The following HK1 variants were observed in gnomAD, a reference collection of about 807,000 sequenced individuals.
The protein encoded by HK1 is hexokinase-1.
HK1 carries 28 observed loss-of-function variants against 91.6 expected under a neutral mutation model. The ratio of observed to expected loss-of-function variants is 0.31; its 90% CI spans 0.23 to 0.42. The LOEUF is 0.42. HK1 is among the 10% of genes least tolerant of loss of function. HK1 has a pLI of 1.00. For synonymous variants in HK1, 430 were observed against 468.1 expected (o/e 0.92, Z 1.05); for missense variants, 770 against 1,219.8 (o/e 0.63, Z 5.49).
intron 1 of HK1, among the ~76,000 whole-genome samples, chr10:69,277,831 G>A (rs895535990): frequency 1.7e-4 from 26 of 152,112 alleles, no homozygotes; most frequent in African/African-American, 4.3e-4. Flanking sequence ...TCAGGAGTTC[G>A]AGACCAGCCT....
chr10:69,297,921 C>T (rs1369908329), intron 4 of HK1, among the ~76,000 whole-genome samples: 2 of 143,428 alleles, frequency 1.4e-5, no homozygotes, highest in Non-Finnish European at 3.0e-5. Flanking sequence ...AAAAAAAGTG[C>T]TTGGTCGGGC....
At chr10:69,304,430 C>G (rs1431886316) in intron 5 of HK1, among the ~76,000 whole-genome samples, 1 of 152,058 alleles carries the variant, frequency 6.6e-6, no homozygotes, top group Non-Finnish European at 1.5e-5. Context: ...GCCTCAGCCT[C>G]CCAAGTAGCT....
intron 3 of HK1, among the ~76,000 whole-genome samples, chr10:69,295,011 C>CAGAGAGAG (rs3086615): frequency 0.026 from 3,273 of 125,092 alleles, 63 homozygotes; most frequent in Middle Eastern, 0.069. Context: ...GCCTGGGCAA[C>CAGAGAGAG]AGAGAGAGAG....
At chr10:69,385,582 C>T (rs750057916) in intron 12 of HK1, among the ~76,000 whole-genome samples, 9 of 152,334 alleles carry the variant, frequency 5.9e-5, no homozygotes, top group East Asian at 1.9e-4. Flanking sequence ...GCTGGAAGAG[C>T]TGTAGGTAGC....
intron 3 of HK1, among the ~76,000 whole-genome samples, chr10:69,361,053 T>G (rs1387429951): frequency 6.6e-6 from 1 of 152,250 alleles, no homozygotes; most frequent in Non-Finnish European, 1.5e-5. Context: ...TTGACTCTAC[T>G]GTGCTCTTAA....
Position 69,389,177 on chromosome 10 carries a change from G to A in HK1, c.1936-20G>A. Reference sequence around the variant, plus strand: ...GCATAGTGATCCTATTCCTAAAGCTGTGTCCCTTTCTTTGCAAAGGAATTT... The same window carrying A: ...GCATAGTGATCCTATTCCTAAAGCTATGTCCCTTTCTTTGCAAAGGAATTT... On this transcript the variant is annotated intron_variant, in intron 13 of 17. Transcript: ENST00000359426. 6.3e-7 allele frequency: 1 copy of A among 1,593,108 alleles called. No individual in the cohort carries two copies.
chr10:69,346,360 T>G (rs372240052), intron 2 of HK1, among the ~76,000 whole-genome samples: 40 of 152,286 alleles, frequency 2.6e-4, no homozygotes, highest in African/African-American at 9.1e-4. Flanking sequence ...AAACAAGCCT[T>G]TCCTTTCTTG....
chr10:69,354,017 TATG>T (rs1441174760), intron 2 of HK1, among the ~76,000 whole-genome samples: 6 of 152,202 alleles, frequency 3.9e-5, no homozygotes, highest in Non-Finnish European at 8.8e-5. Context: ...ACCTGTGGGA[TATG>T]ATGCTATCTC....
At chr10:69,315,651 A>G, upstream of HK1, 1 of 464,118 alleles carries the variant, frequency 2.2e-6, no homozygotes, top group Non-Finnish European at 4.0e-6. Context: ...GGAACAACAG[A>G]GAGGGGACAC....
intron 3 of HK1, among the ~76,000 whole-genome samples, chr10:69,295,074 G>A (rs909969162): frequency 4.6e-5 from 7 of 151,314 alleles, no homozygotes; most frequent in Non-Finnish European, 8.8e-5. Context: ...AAAAAATAGC[G>A]AGGGGAGGGC....
chr10:69,377,034 C>G lies in HK1; in HGVS notation c.976C>G (p.Pro326Ala), dbSNP rs1839149374. ...CCTCTTATTTGAAGGGCGGATCACC[C>G]CGGAGCTGCTCACCCGAGGGAAGTT... ...EGLLFEGRIT[P>A]ELLTRGKFNT... Residue 326 changes from proline to alanine, a missense_variant, in exon 8 of 18, where the codon CCG becomes GCG. Transcript: ENST00000359426. 1 of 1,614,156 alleles carries G rather than the reference C, an allele frequency of 6.2e-7. No homozygotes were observed. Among genetic ancestry groups the G allele is most frequent in the Non-Finnish European group, 8.5e-7 (1 of 1,180,028 alleles).
At chr10:69,353,618 C>CAA (rs71471542) in intron 2 of HK1, among the ~76,000 whole-genome samples, 5 of 116,734 alleles carry the variant, frequency 4.3e-5, no homozygotes, top group Admixed American at 9.2e-5. Flanking sequence ...CAAACAAAAC[C>CAA]AAAAAAAAAA....
At chr10:69,383,168 C>T (rs771379242) in intron 10 of HK1, among the ~76,000 whole-genome samples, 11 of 152,010 alleles carry the variant, frequency 7.2e-5, no homozygotes, top group Non-Finnish European at 1.6e-4. Context: ...AAGACCCTGT[C>T]TCAAAAAAAA....
intron 1 of HK1, among the ~76,000 whole-genome samples, chr10:69,330,122 A>T (rs1409460735): frequency 1.3e-5 from 2 of 151,940 alleles, no homozygotes; most frequent in Admixed American, 1.3e-4. Context: ...TGTCGATTCC[A>T]TCAATTGATT....
chr10:69,362,591 G>A (rs76943589), intron 3 of HK1, among the ~76,000 whole-genome samples: 7,285 of 152,110 alleles, frequency 0.048, 586 homozygotes, highest in African/African-American at 0.17. Context: ...CTCCAGAAAC[G>A]GCCTTTCCTT....
At chr10:69,362,961 C>G (rs985945625) in intron 3 of HK1, among the ~76,000 whole-genome samples, 1 of 152,176 alleles carries the variant, frequency 6.6e-6, no homozygotes, top group Admixed American at 6.5e-5. Flanking sequence ...CGTTCTATTA[C>G]TCTGGCAACA....
At chr10:69,295,857 G>A (rs1373008864) in intron 4 of HK1, among the ~76,000 whole-genome samples, 1 of 152,198 alleles carries the variant, frequency 6.6e-6, no homozygotes, top group Non-Finnish European at 1.5e-5. Flanking sequence ...CAGTACACCT[G>A]AACAGGGAAG....
At position 69,401,087 on chromosome 10, in the gene HK1, C is replaced by G. The variant is rs201076725; in HGVS notation, c.2706C>G (p.Ala902=). Residue 902 remains alanine (A), a synonymous_variant, in exon 18 of 18, where the codon GCC becomes GCG. Coordinates refer to ENST00000359426, the MANE Select transcript of HK1 (RefSeq NM_000188.3). The stretch of plus-strand genomic sequence containing the variant: ...AGGATGGCAGCGGCAAGGGGGCCGC[C>G]CTCATCACGGCCGTGGGCGTGCGGT... ...LSEDGSGKGA[A]LITAVGVRLR... 9.9e-6 allele frequency: 16 copies of G among 1,614,154 alleles called. No homozygotes were observed. In the South Asian group the frequency reaches 1.3e-4, roughly 13 times the overall value.
At chr10:69,292,415 G>T (rs1845336255) in intron 3 of HK1, 1 of 424,810 alleles carries the variant, frequency 2.4e-6, no homozygotes, top group Non-Finnish European at 4.7e-6. Flanking sequence ...GTGCTGGAAA[G>T]ATCATCCCTG....
Sources: gnomAD v4.1 joint callset for allele counts (sites outside exome capture counted in the v4.1 genomes callset) on GRCh38, gnomAD v4.1.1 for gene constraint, MANE v1.5 for transcripts, NCBI Gene and HGNC (gene_info 2026-07-23, HGNC 2026-07-21) for gene names.